Variants in SACM1L observed in about 807,000 individuals in gnomAD.
The protein encoded by SACM1L is SAC1 like phosphatidylinositide phosphatase, also known as phosphatidylinositol-3-phosphatase SAC1.
Under a neutral mutation model 89.5 loss-of-function variants are expected in SACM1L, and 32 were observed. That is an observed-to-expected ratio of 0.36 (90% CI 0.27 to 0.48). The LOEUF (loss-of-function observed/expected upper bound fraction) is 0.48. Ranked by LOEUF, SACM1L falls within the 20% of genes least tolerant of loss-of-function variation. The pLI, the probability that SACM1L is intolerant of heterozygous loss-of-function variation, is 0.99. For missense variants in SACM1L, 543 were observed against 708.5 expected, an observed-to-expected ratio of 0.77 and a Z score of 2.65; for synonymous variants, 213 against 232.8, an observed-to-expected ratio of 0.92 and a Z score of 0.77.
intron 11 of SACM1L, among the ~76,000 whole-genome samples, chr3:45,728,676 T>C (rs928136591): frequency 6.6e-5 from 10 of 152,202 alleles, no homozygotes; most frequent in African/African-American, 1.9e-4. Context: ...TATGTATATA[T>C]GTATTTATTT....
At chr3:45,711,714 G>C (rs955152469) in intron 5 of SACM1L, among the ~76,000 whole-genome samples, 2 of 152,038 alleles carry the variant, frequency 1.3e-5, no homozygotes, top group Non-Finnish European at 2.9e-5. Flanking sequence ...GTTTTACATT[G>C]GTCAATGTTT....
chr3:45,709,227 T>C (rs1292483311), intron 4 of SACM1L, among the ~76,000 whole-genome samples: 1 of 152,216 alleles, frequency 6.6e-6, no homozygotes, highest in African/African-American at 2.4e-5. Context: ...TCTTCTGCCT[T>C]TGAGAATAAA....
chr3:45,723,715 C>T (rs1698842112), intron 11 of SACM1L, among the ~76,000 whole-genome samples, 172 bp downstream of exon 11: 1 of 152,058 alleles, frequency 6.6e-6, no homozygotes, highest in South Asian at 2.1e-4. Flanking sequence ...CAGACAGAAA[C>T]TCTACCCATT....
Position 45,694,657 on chromosome 3 carries a change from C to T in SACM1L, c.32+5160C>T, listed in dbSNP as rs1439902284. Among the ~76,000 whole-genome samples the T allele has an allele frequency of 2.0e-5, 3 of 152,130 alleles. No individual in the cohort carries two copies. In the East Asian group the frequency reaches 5.8e-4, roughly 29 times the overall value. ...CGTATTCCAGGGCCCCACATTAGGCCTACTGAGTGAAAATCTCTGGGGATG... is the reference window on the plus strand; with the variant it reads ...CGTATTCCAGGGCCCCACATTAGGCTTACTGAGTGAAAATCTCTGGGGATG... On this transcript the variant is annotated intron_variant, in intron 1 of 19. Transcript: ENST00000389061.
intron 19 of SACM1L, among the ~76,000 whole-genome samples, chr3:45,741,320 T>C (rs1401398507): frequency 6.6e-6 from 1 of 152,218 alleles, no homozygotes; most frequent in Non-Finnish European, 1.5e-5. Context: ...ACTTTCCTCT[T>C]TTAACCTCAT....
At chr3:45,717,398 A>C (rs952580322) in intron 7 of SACM1L, among the ~76,000 whole-genome samples, 1 of 152,202 alleles carries the variant, frequency 6.6e-6, no homozygotes, top group Non-Finnish European at 1.5e-5. Context: ...GCGTGTTTCT[A>C]AGTATGGTTG....
In SACM1L at chr3:45,697,029, A is replaced by G. The variant is rs114356082; in HGVS notation, c.33-6409A>G. On this transcript the variant is annotated intron_variant, in intron 1 of 19. Coordinates refer to ENST00000389061, the MANE Select transcript of SACM1L (RefSeq NM_014016.5). Reference sequence around the variant, plus strand: ...TTTGTTGCATTTAGCTTTTAGTCCCAGTTCCACTTCTGGGATACTCAAAAT... The same window carrying G: ...TTTGTTGCATTTAGCTTTTAGTCCCGGTTCCACTTCTGGGATACTCAAAAT... Among the ~76,000 whole-genome samples, 352 of 152,280 alleles carry G rather than the reference A, an allele frequency of 2.3e-3. 4 individuals carry two copies. The highest frequency in any genetic ancestry group is 7.3e-3 in the African/African-American group (304 of 41,564).
chr3:45,697,743 T>A (rs1302881174), intron 1 of SACM1L, among the ~76,000 whole-genome samples: 1 of 152,230 alleles, frequency 6.6e-6, no homozygotes, highest in Non-Finnish European at 1.5e-5. Flanking sequence ...TGGGTAGGTA[T>A]GGGATCCCCT....
chr3:45,704,882 TG>T (rs1337671459), intron 2 of SACM1L, among the ~76,000 whole-genome samples: 2 of 152,214 alleles, frequency 1.3e-5, no homozygotes, highest in African/African-American at 4.8e-5. Context: ...TTATTCCTAA[TG>T]GGATTATTTT....
chr3:45,717,925 T>TA (rs1367756954), intron 7 of SACM1L, among the ~76,000 whole-genome samples: 1 of 152,168 alleles, frequency 6.6e-6, no homozygotes, highest in African/African-American at 2.4e-5. Flanking sequence ...CTCAAATAAA[T>TA]ACATAAATAA....
chr3:45,689,834 C>G, intron 1 of SACM1L: 1 of 474,994 alleles, frequency 2.1e-6, no homozygotes, highest in Non-Finnish European at 3.8e-6. Context: ...GAGCTACCGA[C>G]TAAATTTATC....
rs1207138134 is a variant in SACM1L, at chr3:45,737,802, A to G, written c.1340A>G (p.Lys447Arg). 13 of 1,614,074 alleles carry G rather than the reference A, an allele frequency of 8.1e-6. No homozygotes were observed. Among genetic ancestry groups the G allele is most frequent in the Non-Finnish European group, 1.1e-5 (13 of 1,180,040 alleles). The part of the protein sequence containing the change: ...AWADNANACA[K>R]QYAGTGALKT... ...GCTGACAACGCAAATGCTTGTGCCA[A>G]GCAATATGCGGGAACTGGTGCCTTG... The change falls in exon 16 of 20, where the codon AAG (lysine) becomes AGG (arginine). Residue 447 changes from lysine to arginine, a missense_variant. By Grantham distance (26) the Lys-to-Arg change is conservative. Transcript: ENST00000389061.
At chr3:45,692,668 T>A (rs1223929368) in intron 1 of SACM1L, among the ~76,000 whole-genome samples, 2 of 152,220 alleles carry the variant, frequency 1.3e-5, no homozygotes, top group Non-Finnish European at 2.9e-5. Context: ...TTGAGAAATG[T>A]TTTCTTTCCA....
At chr3:45,693,623 G>A (rs75333236) in intron 1 of SACM1L, among the ~76,000 whole-genome samples, 5 of 152,318 alleles carry the variant, frequency 3.3e-5, no homozygotes, top group Non-Finnish European at 5.9e-5. Flanking sequence ...GAATACGGCT[G>A]GTCCAGAGTC....
intron 1 of SACM1L, chr3:45,689,789 C>T: frequency 3.5e-6 from 2 of 567,218 alleles, no homozygotes; most frequent in Admixed American, 3.1e-5. Flanking sequence ...TATGATGCGG[C>T]CCTTCAGGGC....
Position 45,727,046 on chromosome 3 carries a change from C to T in SACM1L, c.921+3503C>T, listed in dbSNP as rs865837298. On this transcript the variant is annotated intron_variant, in intron 11 of 19. Coordinates refer to ENST00000389061, the MANE Select transcript of SACM1L (RefSeq NM_014016.5). ...GACTACAGGCGCCCGCCACCGCGCC[C>T]GGCTAATTTTTTGTATTTTTAGTAG... Among the ~76,000 whole-genome samples the T allele has an allele frequency of 2.1e-4, 15 of 72,834 alleles. 5 individuals carry two copies. Among genetic ancestry groups the T allele is most frequent in the Non-Finnish European group, 3.9e-4 (13 of 33,104 alleles). The allele number at this position is 72,834 out of a possible 152,430, so 47.8% of individuals were successfully genotyped here. A position where few individuals can be genotyped will look rare whatever the true frequency, so the allele number is the denominator to read the frequency against.
chr3:45,737,592 G>T lies in SACM1L; in HGVS notation c.1249G>T (p.Val417Phe). 1 of 1,595,374 alleles carries T rather than the reference G, an allele frequency of 6.3e-7. No homozygotes were observed. The highest frequency in any genetic ancestry group is 1.2e-5 in the South Asian group (1 of 86,694). ...SLQAQLQRLG[V>F]LHVGQKLEEQ... ...TGGTTTTTTATTCCAGAGACTAGGA[G>T]TTTTGCATGTGGGACAAAAGCTTGA... The change falls in exon 15 of 20, where the codon GTT (valine) becomes TTT (phenylalanine). Residue 417 changes from valine to phenylalanine, a missense_variant. Coordinates refer to ENST00000389061, the MANE Select transcript of SACM1L (RefSeq NM_014016.5).
chr3:45,709,705 T>A (rs1698477964), intron 5 of SACM1L, 58 bp downstream of exon 5: 2 of 1,446,886 alleles, frequency 1.4e-6, no homozygotes, highest in Non-Finnish European at 1.9e-6. Flanking sequence ...CATGTCTCTG[T>A]TTCATGCATA....
At chr3:45,740,888 A>G (rs1045898573) in intron 19 of SACM1L, among the ~76,000 whole-genome samples, 1 of 152,234 alleles carries the variant, frequency 6.6e-6, no homozygotes, top group Admixed American at 6.5e-5. Flanking sequence ...ATTACTTATC[A>G]TTACATTTTA....
Sources: gnomAD v4.1 joint callset for allele counts (sites outside exome capture counted in the v4.1 genomes callset) on GRCh38, gnomAD v4.1.1 for gene constraint, MANE v1.5 for transcripts, NCBI Gene and HGNC (gene_info 2026-07-23, HGNC 2026-07-21) for gene names.